Variants in KLRG1 observed in about 807,000 individuals in gnomAD.
The protein encoded by KLRG1 is killer cell lectin-like receptor subfamily G member 1.
KLRG1 carries 16 observed loss-of-function variants against 21.8 expected under a neutral mutation model. The observed-to-expected ratio is 0.73, with a 90% CI of 0.50 to 1.11. The LOEUF (loss-of-function observed/expected upper bound fraction) is 1.11, where lower values mean the gene tolerates loss of function less well. Among genes scored for constraint, KLRG1 ranks in the 50% most tolerant of loss-of-function variants. The pLI is 0.00. For missense variants in KLRG1, 173 were observed against 218.3 expected (o/e 0.79, Z 1.31); for synonymous variants, 69 against 75.9 (o/e 0.91, Z 0.47).
At chr12:9,089,248 C>A in the KLRG1 span, 1 of 1,583,210 alleles carries the variant, frequency 6.3e-7, no homozygotes, top group Non-Finnish European at 8.6e-7. Flanking sequence ...TCTAGTCCTT[C>A]AGGCTTTAGG....
chr12:9,165,328 G>T, the KLRG1 span: 1 of 1,614,154 alleles, frequency 6.2e-7, no homozygotes, highest in Non-Finnish European at 8.5e-7. Flanking sequence ...CGGTGATGGT[G>T]TCAGGGACTG....
At chr12:9,108,401 CAGGCG>C in the KLRG1 span, among the ~76,000 whole-genome samples, 1 of 152,208 alleles carries the variant, frequency 6.6e-6, no homozygotes, top group Admixed American at 6.5e-5. Flanking sequence ...GCTGGGATTA[CAGGCG>C]TGAGCCACCA....
chr12:9,032,189 T>G, the KLRG1 span, among the ~76,000 whole-genome samples: 1 of 152,202 alleles, frequency 6.6e-6, no homozygotes, highest in Admixed American at 6.5e-5. Flanking sequence ...TAATAAAATA[T>G]TAGAAAGAGT....
the KLRG1 span, chr12:9,093,578 C>A: frequency 5.7e-6 from 9 of 1,567,486 alleles, no homozygotes; most frequent in South Asian, 1.1e-4. Flanking sequence ...TTACATCTGA[C>A]TCTATGGTGA....
Position 9,009,920 on chromosome 12 carries a change from T to C in KLRG1, c.*383T>C, listed in dbSNP as rs1207924168. ...AATCTATGCCAATATATACTATTGC[T>C]TGTGTACTAGAGAAGTACATTATTG... On this transcript the variant is annotated 3_prime_UTR_variant, in exon 5 of 5. Transcript: ENST00000356986. 6.6e-7 allele frequency: 1 copy of C among 1,522,776 alleles called. No individual in the cohort carries two copies. Among genetic ancestry groups the C allele is most frequent in the Non-Finnish European group, 8.8e-7 (1 of 1,138,108 alleles). 94.3% of individuals were successfully genotyped at this position (1,522,776 alleles called of 1,614,324 possible).
At chr12:9,135,476 G>C in the KLRG1 span, 1 of 369,778 alleles carries the variant, frequency 2.7e-6, no homozygotes, top group Non-Finnish European at 5.1e-6. Context: ...CCAGCAGGGG[G>C]TAGCACTCAA....
intron 3 of KLRG1, 130 bp downstream of exon 3, chr12:8,995,418 A>G (rs1947101270): frequency 1.2e-5 from 9 of 774,548 alleles, no homozygotes; most frequent in South Asian, 3.8e-5. Context: ...GGGGGATACT[A>G]TATTCTTCCC....
At chr12:9,195,497 G>A in the KLRG1 span, among the ~76,000 whole-genome samples, 2 of 151,430 alleles carry the variant, frequency 1.3e-5, no homozygotes, top group East Asian at 1.9e-4. Context: ...AGGCTGGAGT[G>A]CAGTGGTGCC....
chr12:8,960,658 G>T (rs919287135), intron 1 of KLRG1, among the ~76,000 whole-genome samples: 7 of 152,128 alleles, frequency 4.6e-5, no homozygotes, highest in Non-Finnish European at 1.0e-4. Flanking sequence ...CTGACCTTTT[G>T]TTCCAGACTA....
chr12:9,038,466 CCTTA>C, the KLRG1 span, among the ~76,000 whole-genome samples: 18 of 152,230 alleles, frequency 1.2e-4, no homozygotes, highest in South Asian at 3.5e-3. Flanking sequence ...GGATACTTTC[CCTTA>C]CTTAAAATCA....
the KLRG1 span, among the ~76,000 whole-genome samples, chr12:9,142,891 T>C: frequency 1.3e-5 from 2 of 152,232 alleles, no homozygotes; most frequent in African/African-American, 4.8e-5. Context: ...CTTTTCTGTT[T>C]TCCCAAGGAA....
chr12:8,984,745 A>C (rs1018360613), upstream of KLRG1, among the ~76,000 whole-genome samples: 2 of 152,188 alleles, frequency 1.3e-5, no homozygotes, highest in Admixed American at 1.3e-4. Context: ...TCTATGTTAC[A>C]TAAGTTTCTT....
chr12:9,028,968 G>A, the KLRG1 span: 26 of 621,634 alleles, frequency 4.2e-5, no homozygotes, highest in South Asian at 1.5e-4. Flanking sequence ...GGCACAGTCC[G>A]TGAGCGTTCC....
chr12:9,093,590 T>A, the KLRG1 span: 1 of 1,479,950 alleles, frequency 6.8e-7, no homozygotes, highest in Non-Finnish European at 9.2e-7. Flanking sequence ...CTATGGTGAG[T>A]GAGGAAGAAG....
the KLRG1 span, chr12:9,029,049 C>T: frequency 5.5e-6 from 3 of 543,068 alleles, no homozygotes; most frequent in African/African-American, 3.8e-5. Flanking sequence ...GAAGAGCTTC[C>T]TCCGCTGGTC....
chr12:9,074,488 GTGTT>G, the KLRG1 span: 2 of 1,389,892 alleles, frequency 1.4e-6, no homozygotes, highest in Admixed American at 2.1e-5. Context: ...CTTCTTGGAT[GTGTT>G]TGTTTCTTTT....
chr12:9,068,821 A>G, the KLRG1 span: 1 of 1,603,910 alleles, frequency 6.2e-7, no homozygotes, highest in Middle Eastern at 1.7e-4. Context: ...GTGAAGAACA[A>G]GCTCAGTGTC....
At chr12:9,095,177 G>A in the KLRG1 span, 3 of 644,016 alleles carry the variant, frequency 4.7e-6, no homozygotes, top group Non-Finnish European at 7.4e-6. Flanking sequence ...AAGCAATCCA[G>A]TTAACTTAAA....
At chr12:9,125,315 T>C in the KLRG1 span, among the ~76,000 whole-genome samples, 3,475 of 152,294 alleles carry the variant, frequency 0.023, 132 homozygotes, top group African/African-American at 0.078. Flanking sequence ...CTCATTCTTA[T>C]TGTGCACCCT....
Sources: allele counts gnomAD v4.1 joint callset (sites outside exome capture counted in the v4.1 genomes callset), GRCh38; gene constraint gnomAD v4.1.1; transcripts MANE v1.5; gene names NCBI Gene and HGNC (gene_info 2026-07-23, HGNC 2026-07-21).